The following PLCL2 variants were observed in gnomAD, a reference collection of about 807,000 sequenced individuals.
The protein encoded by PLCL2 is inactive phospholipase C-like protein 2.
PLCL2 carries 4 observed loss-of-function variants against 79.6 expected under a neutral mutation model. That is an observed-to-expected ratio of 0.05 (90% CI 0.02 to 0.11). PLCL2 has a LOEUF of 0.11. PLCL2 is among the 10% of genes least tolerant of loss of function. The pLI, the probability that PLCL2 is intolerant of heterozygous loss-of-function variation, is 1.00. For synonymous variants in PLCL2, 484 were observed against 457.7 expected (o/e 1.06, Z -0.73); for missense variants, 895 against 1,291.0 (o/e 0.69, Z 4.70).
chr3:16,951,798 T>C (rs1406083054), intron 1 of PLCL2, among the ~76,000 whole-genome samples: 3 of 152,056 alleles, frequency 2.0e-5, no homozygotes, highest in Non-Finnish European at 2.9e-5. Context: ...AATTTCTGCA[T>C]GTATAGAATT....
chr3:16,929,145 A>G (rs60116360), intron 1 of PLCL2, among the ~76,000 whole-genome samples: 151,730 of 151,730 alleles, frequency 1, 75,865 homozygotes, highest in Non-Finnish European at 1. Context: ...TGATGATGAT[A>G]CTAAGCACAG....
chr3:16,918,051 C>A (rs1697038610), intron 1 of PLCL2, among the ~76,000 whole-genome samples: 3 of 152,098 alleles, frequency 2.0e-5, no homozygotes, highest in Non-Finnish European at 4.4e-5. Context: ...CCCCTTTTTA[C>A]CTATGTATAT....
chr3:17,064,619 A>G (rs1301896697), intron 4 of PLCL2, among the ~76,000 whole-genome samples: 1 of 152,166 alleles, frequency 6.6e-6, no homozygotes, highest in Non-Finnish European at 1.5e-5. Flanking sequence ...TTAAAAAAAT[A>G]CAATCAATAT....
intron 1 of PLCL2, among the ~76,000 whole-genome samples, chr3:16,899,563 A>G (rs925429669): frequency 6.6e-6 from 1 of 152,066 alleles, no homozygotes; most frequent in Admixed American, 6.5e-5. Context: ...GAAGTGTTAA[A>G]TGTGTCCAGA....
intron 5 of PLCL2, among the ~76,000 whole-genome samples, chr3:17,078,388 T>A (rs1323752550): frequency 6.6e-6 from 1 of 152,100 alleles, no homozygotes; most frequent in Non-Finnish European, 1.5e-5. Context: ...GAACTCAGCT[T>A]GGCCTGGAAC....
intron 5 of PLCL2, among the ~76,000 whole-genome samples, chr3:17,075,096 C>T (rs79420805): frequency 6.6e-6 from 1 of 152,202 alleles, no homozygotes; most frequent in African/African-American, 2.4e-5. Flanking sequence ...TTGACTTGAA[C>T]TTGGCCTTCC....
chr3:16,907,454 A>G (rs189107468), intron 1 of PLCL2, among the ~76,000 whole-genome samples: 110 of 152,350 alleles, frequency 7.2e-4, no homozygotes, highest in African/African-American at 2.5e-3. Context: ...ACATTTTATT[A>G]GTCAGATGCT....
intron 1 of PLCL2, among the ~76,000 whole-genome samples, chr3:16,932,424 A>G (rs1308129294): frequency 6.6e-6 from 1 of 152,260 alleles, no homozygotes; most frequent in Non-Finnish European, 1.5e-5. Context: ...TTGGAGTACC[A>G]TTAGTCCTCT....
chr3:17,022,174 A>G (rs1302446744), intron 3 of PLCL2, among the ~76,000 whole-genome samples: 1 of 152,188 alleles, frequency 6.6e-6, no homozygotes, highest in Non-Finnish European at 1.5e-5. Flanking sequence ...AAATATGAAT[A>G]TATCTGAAAC....
intron 3 of PLCL2, among the ~76,000 whole-genome samples, chr3:17,023,053 T>G (rs779170076): frequency 1.3e-5 from 2 of 152,188 alleles, no homozygotes; most frequent in African/African-American, 2.4e-5. Flanking sequence ...TTTTGTGTTC[T>G]TGGCAAAGAA....
At chr3:16,898,915 AG>A (rs59900975) in intron 1 of PLCL2, among the ~76,000 whole-genome samples, 37 of 142,328 alleles carry the variant, frequency 2.6e-4, no homozygotes, top group African/African-American at 9.1e-4. Flanking sequence ...CAGCTGTGGC[AG>A]GGGTTGGAGG....
At chr3:16,997,576 G>A (rs2064166945) in intron 1 of PLCL2, among the ~76,000 whole-genome samples, 1 of 147,904 alleles carries the variant, frequency 6.8e-6, no homozygotes, top group Admixed American at 6.8e-5. Flanking sequence ...TGTTGTCCAG[G>A]CTGGAGTGCA....
chr3:16,909,436 G>GCA (rs1487834120), intron 1 of PLCL2, among the ~76,000 whole-genome samples: 2 of 152,160 alleles, frequency 1.3e-5, no homozygotes, highest in Admixed American at 1.3e-4. Flanking sequence ...ATTACATTTA[G>GCA]CACAGGGTTT....
chr3:16,917,331 C>A (rs959817950), intron 1 of PLCL2, among the ~76,000 whole-genome samples: 1 of 152,142 alleles, frequency 6.6e-6, no homozygotes, highest in African/African-American at 2.4e-5. Context: ...AAAACATGCT[C>A]ATTTGGTTAC....
intron 1 of PLCL2, among the ~76,000 whole-genome samples, chr3:16,918,328 T>A (rs1036992661): frequency 5.3e-5 from 8 of 152,132 alleles, no homozygotes; most frequent in African/African-American, 1.9e-4. Flanking sequence ...TATTGAAAAA[T>A]TATATATTTA....
chr3:17,016,734 C>T (rs909184428), intron 3 of PLCL2, among the ~76,000 whole-genome samples: 1 of 152,028 alleles, frequency 6.6e-6, no homozygotes, highest in Non-Finnish European at 1.5e-5. Context: ...TAGTTCTTGA[C>T]TTAAGTTTTA....
chr3:16,888,017 G>A (rs1319790821), intron 1 of PLCL2, among the ~76,000 whole-genome samples: 1 of 152,080 alleles, frequency 6.6e-6, no homozygotes, highest in African/African-American at 2.4e-5. Flanking sequence ...GGTATTTATG[G>A]GGTTGTATTA....
intron 1 of PLCL2, among the ~76,000 whole-genome samples, chr3:16,992,549 T>C (rs1315820036): frequency 6.6e-6 from 1 of 152,092 alleles, no homozygotes; most frequent in African/African-American, 2.4e-5. Flanking sequence ...AGAGCTGAGA[T>C]TGGAGAATCT....
At chr3:16,892,992 C>G (rs1315423846) in intron 1 of PLCL2, among the ~76,000 whole-genome samples, 1 of 152,228 alleles carries the variant, frequency 6.6e-6, no homozygotes, top group Non-Finnish European at 1.5e-5. Context: ...CCAAGCCATT[C>G]TGACTTCTTG....
Sources: allele counts gnomAD v4.1 joint callset (sites outside exome capture counted in the v4.1 genomes callset), GRCh38; gene constraint gnomAD v4.1.1; transcripts MANE v1.5; gene names NCBI Gene and HGNC (gene_info 2026-07-23, HGNC 2026-07-21).